The following GRAMD1B variants were observed in gnomAD, a reference collection of about 807,000 sequenced individuals.
GRAMD1B encodes GRAM domain containing 1B.
In GRAMD1B, 37 loss-of-function variants were observed where a neutral mutation model predicts 99.7. The ratio of observed to expected loss-of-function variants is 0.37; its 90% CI spans 0.29 to 0.49. GRAMD1B has a LOEUF of 0.49. Among genes scored for constraint, GRAMD1B ranks in the 20% least tolerant of loss-of-function variants. The probability of loss-of-function intolerance (pLI) is 0.98; values close to 1 mark genes in which losing one functional copy is unlikely to be tolerated. For missense variants in GRAMD1B, 888 were observed against 1,009.2 expected (o/e 0.88, Z 1.63); for synonymous variants, 427 against 387.6 (o/e 1.10, Z -1.19).
At chr11:123,518,288 G>T (rs975664334) in intron 2 of GRAMD1B, among the ~76,000 whole-genome samples, 1 of 152,156 alleles carries the variant, frequency 6.6e-6, no homozygotes, top group Admixed American at 6.5e-5. Context: ...GGAAGCGGGA[G>T]GAAGATTTTG....
At chr11:123,599,484 G>T (rs1951686776) in intron 7 of GRAMD1B, 13 of 589,070 alleles carry the variant, frequency 2.2e-5, no homozygotes, top group Admixed American at 3.8e-5. Context: ...CGTTGTTGCT[G>T]TTTTTTGAGG....
In GRAMD1B at chr11:123,385,443, C is replaced by T. The variant is rs564799695; in HGVS notation, c.-176+26644C>T. 1.6e-3 allele frequency among the ~76,000 whole-genome samples: 237 copies of T among 152,302 alleles called. 2 individuals are homozygous for T. The highest frequency in any genetic ancestry group is 5.2e-3 in the African/African-American group (216 of 41,556). On this transcript the variant is annotated intron_variant, in intron 1 of 20. Coordinates refer to the GRAMD1B transcript ENST00000638157. ...GAATACTGTGTAAATTCTTTAACAT[C>T]GTTTCCAGCCTCCTCACTTCCTTCT...
In GRAMD1B at chr11:123,622,494, T is replaced by C; in HGVS notation, c.2545-12T>C. Reference sequence around the variant, plus strand: ...CAGACCCAGGCCTGGGGTGGGGTTTTCTGTCTTGCAGATGAAGGACTCGCT... The same window carrying C: ...CAGACCCAGGCCTGGGGTGGGGTTTCCTGTCTTGCAGATGAAGGACTCGCT... On this transcript the variant is annotated splice_polypyrimidine_tract_variant and intron_variant, in intron 19 of 19. Coordinates refer to ENST00000635736, the MANE Select transcript of GRAMD1B (RefSeq NM_001387025.1). 6.6e-7 allele frequency: 1 copy of C among 1,526,444 alleles called. No homozygotes were observed. Among genetic ancestry groups the C allele is most frequent in the Non-Finnish European group, 8.9e-7 (1 of 1,123,276 alleles). The allele number at this position is 1,526,444 out of a possible 1,614,324, so 94.6% of individuals were successfully genotyped here.
At position 123,383,839 on chromosome 11, in the gene GRAMD1B, T is replaced by C. The variant is rs11219124; in HGVS notation, c.-176+25040T>C. Among the ~76,000 whole-genome samples, 391 of 151,992 alleles carry C rather than the reference T, an allele frequency of 2.6e-3. 10 individuals carry two copies. In the East Asian group the frequency reaches 0.068, roughly 26 times the overall value. On this transcript the variant is annotated intron_variant, in intron 1 of 20. Coordinates refer to the GRAMD1B transcript ENST00000638157. ...ATATTTCTTTCTATTTGTCCATTAA[T>C]GCATCTATCCATCCATCTTTATTTT...
Position 123,385,961 on chromosome 11 carries a change from G to A in GRAMD1B, c.-176+27162G>A, listed in dbSNP as rs141785704. ...TTTGTGAAGTGGCCAAAGGAGGGAC[G>A]GGAAAATACTTTCTCACTTCTCTGT... On this transcript the variant is annotated intron_variant, in intron 1 of 20. Transcript: ENST00000638157. 1.1e-3 allele frequency among the ~76,000 whole-genome samples: 169 copies of A among 152,196 alleles called. 1 individual carries two copies. Among genetic ancestry groups the A allele is most frequent in the African/African-American group, 3.9e-3 (160 of 41,530 alleles).
In GRAMD1B at chr11:123,610,709, G is replaced by C. The variant is rs1164200854; in HGVS notation, c.1919+371G>C. Among the ~76,000 whole-genome samples, 1 of 152,208 alleles carries C rather than the reference G, an allele frequency of 6.6e-6. No homozygotes were observed. The highest frequency in any genetic ancestry group is 1.5e-5 in the Non-Finnish European group (1 of 68,034). On this transcript the variant is annotated intron_variant, in intron 14 of 19. Transcript: ENST00000635736. The surrounding 1 kb of genome is among the most constrained non-coding windows in gnomAD (Gnocchi z 4.1). The stretch of plus-strand genomic sequence containing the variant: ...TATGAGTTCAGGAACTTTGCCAAGA[G>C]TCATGTCTTTAGTAAGCACTGAAAC...
intron 1 of GRAMD1B, among the ~76,000 whole-genome samples, chr11:123,439,656 A>G (rs1174806235): frequency 1.3e-5 from 2 of 152,306 alleles, no homozygotes; most frequent in East Asian, 3.9e-4. Context: ...AGATGGAGGA[A>G]TGAGATGACC....
chr11:123,503,014 G>A (rs547597669), intron 2 of GRAMD1B, among the ~76,000 whole-genome samples: 10 of 152,244 alleles, frequency 6.6e-5, no homozygotes, highest in African/African-American at 2.4e-4. Context: ...TGGTGAGAAA[G>A]TATTATAAAG....
At chr11:123,516,231 C>T (rs935468807) in intron 2 of GRAMD1B, among the ~76,000 whole-genome samples, 10 of 152,152 alleles carry the variant, frequency 6.6e-5, no homozygotes, top group Admixed American at 5.9e-4. Context: ...TACTGAATAG[C>T]GCTGGTCACA....
At chr11:123,538,665 G>A (rs1944202319) in intron 2 of GRAMD1B, among the ~76,000 whole-genome samples, 1 of 151,830 alleles carries the variant, frequency 6.6e-6, no homozygotes. Context: ...CTGTCGCCAG[G>A]TTAGAGTGCA....
At chr11:123,595,911 G>C (rs764734746) in intron 6 of GRAMD1B, 31 bp from the exon 7 acceptor site, 1 of 1,343,966 alleles carries the variant, frequency 7.4e-7, no homozygotes, top group Non-Finnish European at 1.1e-6. Flanking sequence ...CACTTTGCTT[G>C]TTGCCCATTC....
rs540549291 is a variant in GRAMD1B at position 123,473,680 on chromosome 11, C to T, written c.375-7136C>T. ...TTGACCAGGGATTCTACCCACCTTGCTGCAGGTTCCCATGGGAGCTATTAA... is the reference window on the plus strand; with the variant it reads ...TTGACCAGGGATTCTACCCACCTTGTTGCAGGTTCCCATGGGAGCTATTAA... On this transcript the variant is annotated intron_variant, in intron 1 of 19. Coordinates refer to ENST00000635736, the MANE Select transcript of GRAMD1B (RefSeq NM_001387025.1). Among the ~76,000 whole-genome samples the T allele has an allele frequency of 6.6e-5, 10 of 152,298 alleles. No homozygotes were observed. The South Asian group carries it at 2.1e-3, about 32-fold the overall frequency.
intron 2 of GRAMD1B, among the ~76,000 whole-genome samples, chr11:123,503,879 A>G (rs17092996): frequency 0.021 from 3,195 of 152,308 alleles, 55 homozygotes; most frequent in Non-Finnish European, 0.035. Flanking sequence ...CTGCGTTTTC[A>G]CTTAAATCTT....
At position 123,433,682 on chromosome 11, in the gene GRAMD1B, G is replaced by A. The variant is rs928736921; in HGVS notation, c.374+2516G>A. ...CCAACGCTTAAAATGTTACGTGCGT[G>A]TGTGTGTGTGTGTGTGTGTGTGTGT... On this transcript the variant is annotated intron_variant, in intron 1 of 19. Coordinates refer to ENST00000635736, the MANE Select transcript of GRAMD1B (RefSeq NM_001387025.1). Among the ~76,000 whole-genome samples the A allele has an allele frequency of 9.7e-4, 30 of 30,954 alleles. No homozygotes were observed. The South Asian group carries it at 0.012, about 12-fold the overall frequency. The allele number at this position is 30,954 out of a possible 152,430, so 20.3% of individuals were successfully genotyped here.
chr11:123,577,648 C>T (rs572360889), intron 3 of GRAMD1B, 71 bp downstream of exon 3: 30 of 1,161,680 alleles, frequency 2.6e-5, no homozygotes, highest in Admixed American at 2.0e-4. Flanking sequence ...GGTGGTGAGC[C>T]GGAGAACATC....
chr11:123,605,556 T>G, intron 10 of GRAMD1B, 78 bp downstream of exon 10: 1 of 1,177,518 alleles, frequency 8.5e-7, no homozygotes. Flanking sequence ...GGGAACCCAA[T>G]CTGGGGAGCA....
chr11:123,516,980 C>T (rs1288646656), intron 2 of GRAMD1B, among the ~76,000 whole-genome samples: 1 of 152,296 alleles, frequency 6.6e-6, no homozygotes, highest in East Asian at 1.9e-4. Context: ...AGAGCAATGG[C>T]ACGATCTTGG....
intron 1 of GRAMD1B, among the ~76,000 whole-genome samples, chr11:123,375,446 G>A (rs10893032): frequency 0.46 from 70,023 of 151,912 alleles, 20,916 homozygotes; most frequent in African/African-American, 0.86. Flanking sequence ...ATCAGAAACT[G>A]TTTATCCGGC....
intron 1 of GRAMD1B, among the ~76,000 whole-genome samples, chr11:123,451,451 G>C (rs1949883491): frequency 6.6e-6 from 1 of 152,080 alleles, no homozygotes; most frequent in Non-Finnish European, 1.5e-5. Context: ...TTTAATTTAG[G>C]GCCCTTTCTT....
Sources: allele counts gnomAD v4.1 joint callset (sites outside exome capture counted in the v4.1 genomes callset), GRCh38; gene constraint gnomAD v4.1.1; non-coding constraint Gnocchi (gnomAD v3.1); transcripts MANE v1.5; gene names NCBI Gene and HGNC (gene_info 2026-07-23, HGNC 2026-07-21).